LIPA: variants seen among roughly 807,000 people sequenced by gnomAD.
LIPA encodes the protein lysosomal acid lipase/cholesteryl ester hydrolase.
A neutral mutation model predicts 40.6 loss-of-function variants in LIPA; 26 were observed. The ratio of observed to expected loss-of-function variants is 0.64; its 90% CI spans 0.47 to 0.89. LIPA has a LOEUF of 0.89. Ranked by LOEUF, LIPA falls within the 40% of genes least tolerant of loss-of-function variation. LIPA has a pLI of 0.00. For synonymous variants in LIPA, 188 were observed against 168.4 expected (o/e 1.12, Z -0.90); for missense variants, 455 against 479.6 (o/e 0.95, Z 0.48).
At chr10:89,253,635 T>A (rs571355371), upstream of LIPA, among the ~76,000 whole-genome samples, 7 of 152,280 alleles carry the variant, frequency 4.6e-5, no homozygotes, top group South Asian at 1.5e-3. Context: ...AATCATGCCT[T>A]CCCAGTAGTC....
At chr10:89,351,551 C>T (rs990145874) in intron 2 of LIPA, among the ~76,000 whole-genome samples, 3 of 152,198 alleles carry the variant, frequency 2.0e-5, no homozygotes, top group East Asian at 3.9e-4. Context: ...TTCAGCACAA[C>T]ACAAACTAAG....
chr10:89,291,681 C>T (rs1361029145), intron 1 of LIPA, among the ~76,000 whole-genome samples: 2 of 152,140 alleles, frequency 1.3e-5, no homozygotes, highest in Non-Finnish European at 2.9e-5. Flanking sequence ...GTTGGCTCCC[C>T]TGGGAAAGGT....
At chr10:89,269,297 T>A (rs1236415753) in intron 1 of LIPA, among the ~76,000 whole-genome samples, 1 of 152,214 alleles carries the variant, frequency 6.6e-6, no homozygotes, top group Non-Finnish European at 1.5e-5. Flanking sequence ...ACCACTGCAC[T>A]CCAGCCTGGT....
At chr10:89,319,691 A>T (rs1440039804) in intron 1 of LIPA, among the ~76,000 whole-genome samples, 2 of 152,354 alleles carry the variant, frequency 1.3e-5, no homozygotes, top group East Asian at 3.8e-4. Flanking sequence ...AAAAAGAGGG[A>T]ATCCTCCCTA....
chr10:89,389,118 A>G (rs1844228356), intron 2 of LIPA, among the ~76,000 whole-genome samples: 1 of 152,246 alleles, frequency 6.6e-6, no homozygotes, highest in Admixed American at 6.5e-5. Flanking sequence ...GATTGAATAC[A>G]TTCAAAAGAG....
intron 2 of LIPA, chr10:89,403,527 AG>A (rs755297444): frequency 1.2e-6 from 2 of 1,613,934 alleles, no homozygotes; most frequent in South Asian, 2.2e-5. Context: ...AAGGGATAAA[AG>A]TATCAATTCT....
chr10:89,311,765 T>C (rs1259850917), intron 1 of LIPA, among the ~76,000 whole-genome samples: 1 of 152,224 alleles, frequency 6.6e-6, no homozygotes, highest in Non-Finnish European at 1.5e-5. Context: ...AGGAAATTAT[T>C]ATTTCCACTA....
intron 1 of LIPA, chr10:89,328,165 T>C (rs897674924): frequency 3.2e-6 from 4 of 1,256,496 alleles, no homozygotes; most frequent in Non-Finnish European, 4.7e-6. Flanking sequence ...CATTCCTGAA[T>C]TGTCCTGATG....
chr10:89,382,905 A>C (rs1305567261), intron 2 of LIPA, among the ~76,000 whole-genome samples: 1 of 152,260 alleles, frequency 6.6e-6, no homozygotes, highest in Non-Finnish European at 1.5e-5. Context: ...TGTTGAGAAC[A>C]TGAAAAAGAT....
rs1354490717 is a variant in LIPA, at chr10:89,214,723, A to G, written c.*105T>C. ...TTATCATTTTCTTGGATATAAAAAAACAAAAGACCTGGGAAAGAAAAACAA... is the reference window on the plus strand; with the variant it reads ...TTATCATTTTCTTGGATATAAAAAAGCAAAAGACCTGGGAAAGAAAAACAA... On this transcript the variant is annotated 3_prime_UTR_variant, in exon 10 of 10. Coordinates refer to ENST00000336233, the MANE Select transcript of LIPA (RefSeq NM_000235.4). 2.7e-6 allele frequency: 2 copies of G among 742,086 alleles called. No individual in the cohort carries two copies. Among genetic ancestry groups the G allele is most frequent in the East Asian group, 2.7e-5 (1 of 37,280 alleles). 46.0% of individuals were successfully genotyped at this position (742,086 alleles called of 1,614,324 possible).
intron 2 of LIPA, among the ~76,000 whole-genome samples, chr10:89,353,695 C>T (rs1167335621): frequency 6.6e-6 from 1 of 152,154 alleles, no homozygotes; most frequent in Non-Finnish European, 1.5e-5. Flanking sequence ...ATATAAAGCA[C>T]ACTGGGAGGC....
chr10:89,345,167 T>TA (rs200363600), upstream of LIPA, among the ~76,000 whole-genome samples: 10,272 of 135,724 alleles, frequency 0.076, 860 homozygotes, highest in African/African-American at 0.22. Context: ...TCTGTCTCAA[T>TA]AAAAAAAAAA....
chr10:89,278,494 C>G (rs950152035), intron 1 of LIPA: 1 of 152,192 alleles, frequency 6.6e-6, no homozygotes. Flanking sequence ...TTAATCCTTA[C>G]AATAAACATC....
intron 1 of LIPA, among the ~76,000 whole-genome samples, chr10:89,280,232 A>G (rs1388091854): frequency 6.6e-6 from 1 of 152,128 alleles, no homozygotes; most frequent in Non-Finnish European, 1.5e-5. Context: ...TGAATTTATA[A>G]TATATAGATT....
At chr10:89,237,847 T>A (rs1842924308) in intron 3 of LIPA, among the ~76,000 whole-genome samples, 1 of 152,154 alleles carries the variant, frequency 6.6e-6, no homozygotes, top group Non-Finnish European at 1.5e-5. Flanking sequence ...ATCGAAGTGG[T>A]CTACTTGCCC....
chr10:89,388,834 T>C (rs1432612806), intron 2 of LIPA, among the ~76,000 whole-genome samples: 1 of 151,426 alleles, frequency 6.6e-6, no homozygotes, highest in East Asian at 1.9e-4. Flanking sequence ...ATTCTAGTAG[T>C]ACTTGAATAG....
chr10:89,399,920 A>T (rs866147834), intron 2 of LIPA, among the ~76,000 whole-genome samples: 3 of 152,334 alleles, frequency 2.0e-5, no homozygotes, highest in Middle Eastern at 6.8e-3. Context: ...AGCAAGAAGG[A>T]GCCATCTGCA....
intron 1 of LIPA, among the ~76,000 whole-genome samples, chr10:89,321,429 CA>C (rs1843571588): frequency 6.6e-6 from 1 of 152,168 alleles, no homozygotes; most frequent in African/African-American, 2.4e-5. Context: ...GGACACTTCT[CA>C]AAAGAAGACA....
At chr10:89,390,382 C>T (rs183373075) in intron 2 of LIPA, among the ~76,000 whole-genome samples, 2 of 152,144 alleles carry the variant, frequency 1.3e-5, no homozygotes, top group African/African-American at 4.8e-5. Context: ...TTGAGATTTA[C>T]CTGGCTGATT....
Sources: allele counts gnomAD v4.1 joint callset (sites outside exome capture counted in the v4.1 genomes callset), GRCh38; gene constraint gnomAD v4.1.1; transcripts MANE v1.5; gene names NCBI Gene and HGNC (gene_info 2026-07-23, HGNC 2026-07-21).